TXNDC16: variants seen among roughly 807,000 people sequenced by gnomAD.
The protein encoded by TXNDC16 is thioredoxin domain containing 16.
In TXNDC16, 74 loss-of-function variants were observed where a neutral mutation model predicts 85.6. The observed-to-expected ratio is 0.86, with a 90% CI of 0.72 to 1.05. TXNDC16 has a LOEUF of 1.05. TXNDC16 is among the 50% of genes least tolerant of loss of function. TXNDC16 has a pLI of 0.00. For missense variants in TXNDC16, 959 were observed against 947.0 expected (o/e 1.01, Z -0.17); for synonymous variants, 335 against 326.5 (o/e 1.03, Z -0.28).
At chr14:52,445,905 G>A (rs750173106) in intron 18 of TXNDC16, among the ~76,000 whole-genome samples, 15 of 152,126 alleles carry the variant, frequency 9.9e-5, no homozygotes, top group Non-Finnish European at 1.5e-4. Flanking sequence ...AGATATCCTC[G>A]TTAAGTGATG....
chr14:52,512,451 G>C (rs2036978412), intron 8 of TXNDC16, among the ~76,000 whole-genome samples: 1 of 152,014 alleles, frequency 6.6e-6, no homozygotes. Flanking sequence ...AATAAGATAG[G>C]ACAAATGAGC....
chr14:52,485,310 T>G (rs2036243674), intron 12 of TXNDC16, among the ~76,000 whole-genome samples: 1 of 152,208 alleles, frequency 6.6e-6, no homozygotes, highest in Admixed American at 6.5e-5. Context: ...GAAAATATTT[T>G]TGTACAGCTG....
At chr14:52,458,546 C>CA (rs201655887) in intron 16 of TXNDC16, among the ~76,000 whole-genome samples, 13,079 of 150,936 alleles carry the variant, frequency 0.087, 619 homozygotes, top group East Asian at 0.14. Flanking sequence ...GACTCTGTCT[C>CA]AAAAAAAATA....
At chr14:52,432,845 A>G (rs1419293620) in intron 20 of TXNDC16, among the ~76,000 whole-genome samples, 1 of 152,156 alleles carries the variant, frequency 6.6e-6, no homozygotes, top group Non-Finnish European at 1.5e-5. Flanking sequence ...TGAATAGGGG[A>G]AAAAAGGTCC....
chr14:52,534,925 T>G (rs906922275), intron 6 of TXNDC16, among the ~76,000 whole-genome samples: 1 of 152,180 alleles, frequency 6.6e-6, no homozygotes, highest in South Asian at 2.1e-4. Flanking sequence ...AGGACACTAC[T>G]AAAGCAGGAC....
At chr14:52,475,252 G>C (rs2035994582) in intron 14 of TXNDC16, among the ~76,000 whole-genome samples, 1 of 152,144 alleles carries the variant, frequency 6.6e-6, no homozygotes, top group Non-Finnish European at 1.5e-5. Flanking sequence ...ACTCAGAGAA[G>C]GCCACAGAGA....
In TXNDC16 at chr14:52,440,800, C is replaced by CTTT; in HGVS notation, c.1843-77_1843-76insAAA. 5.9e-6 allele frequency: 8 copies of CTTT among 1,354,992 alleles called. No homozygotes were observed. The South Asian group carries it at 1.1e-4, about 19-fold the overall frequency. The allele number at this position is 1,354,992 out of a possible 1,614,324, so 83.9% of individuals were successfully genotyped here. A position where few individuals can be genotyped will look rare whatever the true frequency, so the allele number is the denominator to read the frequency against. ...TGCATACCACAGAAGACATTCAAAT[C>CTTT]ACTCAGTCAATTTTAGTTTGTAAAA... On this transcript the variant is annotated intron_variant, in intron 18 of 20. Coordinates refer to ENST00000281741, the MANE Select transcript of TXNDC16 (RefSeq NM_020784.3).
At chr14:52,550,062 T>C (rs906006114) in intron 1 of TXNDC16, among the ~76,000 whole-genome samples, 5 of 152,210 alleles carry the variant, frequency 3.3e-5, no homozygotes, top group African/African-American at 9.6e-5. Flanking sequence ...GACACCAAGC[T>C]TTTCTAGGAA....
intron 9 of TXNDC16, among the ~76,000 whole-genome samples, chr14:52,504,253 C>A (rs538323951): frequency 2.4e-4 from 37 of 152,196 alleles, no homozygotes; most frequent in African/African-American, 8.9e-4. Flanking sequence ...AGAACAACTC[C>A]AAGACACATA....
At chr14:52,503,716 C>G (rs540244651) in intron 9 of TXNDC16, among the ~76,000 whole-genome samples, 2 of 152,332 alleles carry the variant, frequency 1.3e-5, no homozygotes, top group African/African-American at 4.8e-5. Flanking sequence ...TGGAACAAAG[C>G]TGGACAGAGA....
intron 14 of TXNDC16, among the ~76,000 whole-genome samples, chr14:52,477,529 G>C (rs1391421506): frequency 6.6e-6 from 1 of 152,080 alleles, no homozygotes; most frequent in African/African-American, 2.4e-5. Flanking sequence ...AGCTATTCTT[G>C]TATCAGACAA....
intron 6 of TXNDC16, among the ~76,000 whole-genome samples, chr14:52,531,422 C>T (rs905260876): frequency 6.6e-6 from 1 of 152,128 alleles, no homozygotes; most frequent in African/African-American, 2.4e-5. Context: ...ACCAAGATGT[C>T]TTTCAGTAGG....
intron 20 of TXNDC16, 113 bp downstream of exon 20, chr14:52,439,091 G>T: frequency 1.8e-6 from 2 of 1,129,814 alleles, no homozygotes; most frequent in South Asian, 1.5e-5. Context: ...CCACATGGAT[G>T]ATGCTACCAG....
intron 9 of TXNDC16, among the ~76,000 whole-genome samples, chr14:52,502,255 GA>G (rs545906561): frequency 9.2e-5 from 14 of 151,944 alleles, no homozygotes; most frequent in Middle Eastern, 3.4e-3. Flanking sequence ...AGTTGTCTAG[GA>G]AAAAAAAGTT....
chr14:52,535,051 A>C (rs1261329386), intron 6 of TXNDC16, among the ~76,000 whole-genome samples: 1 of 152,164 alleles, frequency 6.6e-6, no homozygotes, highest in Non-Finnish European at 1.5e-5. Flanking sequence ...CAATGTGGAT[A>C]TGCCACTCCA....
chr14:52,479,700 T>C (rs1290000782), intron 14 of TXNDC16, among the ~76,000 whole-genome samples: 1 of 152,138 alleles, frequency 6.6e-6, no homozygotes, highest in African/African-American at 2.4e-5. Context: ...ACACATCTCA[T>C]GTTCATGGAT....
intron 16 of TXNDC16, 138 bp downstream of exon 16, chr14:52,469,899 G>A: frequency 1.2e-6 from 1 of 811,584 alleles, no homozygotes. Flanking sequence ...TGAATAATTA[G>A]CTTACGATAT....
chr14:52,523,213 T>C (rs572762611), intron 6 of TXNDC16, among the ~76,000 whole-genome samples: 181 of 152,316 alleles, frequency 1.2e-3, no homozygotes, highest in Non-Finnish European at 2.2e-3. Flanking sequence ...TAAAACAGCC[T>C]GGGGCTGCTC....
chr14:52,482,721 G>T, intron 13 of TXNDC16, 101 bp downstream of exon 13: 1 of 1,089,852 alleles, frequency 9.2e-7, no homozygotes, highest in Non-Finnish European at 1.3e-6. Flanking sequence ...ACATACGAAA[G>T]CAATTTCATT....
Sources: allele counts gnomAD v4.1 joint callset (sites outside exome capture counted in the v4.1 genomes callset), GRCh38; gene constraint gnomAD v4.1.1; transcripts MANE v1.5; gene names NCBI Gene and HGNC (gene_info 2026-07-23, HGNC 2026-07-21).